The following XRCC3 variants were observed in gnomAD, a reference collection of about 807,000 sequenced individuals.
The protein encoded by XRCC3 is X-ray repair cross complementing 3.
A neutral mutation model predicts 29.2 loss-of-function variants in XRCC3; 34 were observed. That is an observed-to-expected ratio of 1.16 (90% CI 0.88 to 1.55). XRCC3 has a LOEUF of 1.55. Ranked by LOEUF, XRCC3 falls within the 40% of genes most tolerant of loss-of-function variation. The pLI is 0.00. For synonymous variants in XRCC3, 223 were observed against 211.3 expected (o/e 1.06, Z -0.48); for missense variants, 463 against 467.6 (o/e 0.99, Z 0.09).
intron 7 of XRCC3, among the ~76,000 whole-genome samples, chr14:103,700,984 G>A (rs1044351236): frequency 3.9e-5 from 6 of 152,312 alleles, no homozygotes; most frequent in Admixed American, 1.3e-4. Context: ...GGCTTCCCCC[G>A]TGCCAGACGC....
chr14:103,710,742 C>CAAAA, intron 4 of XRCC3: 2 of 309,792 alleles, frequency 6.5e-6, no homozygotes, highest in Non-Finnish European at 1.2e-5. Context: ...ACCCCGTCTC[C>CAAAA]AAAAAAAAAA....
intron 5 of XRCC3, chr14:103,707,595 T>G (rs2083479680): frequency 8.2e-6 from 3 of 366,868 alleles, no homozygotes; most frequent in Non-Finnish European, 1.6e-5. Flanking sequence ...GCTGAACAGT[T>G]CTCAAGCGGC....
chr14:103,707,020 T>G lies in XRCC3; in HGVS notation c.389A>C (p.His130Pro). 1 of 1,561,316 alleles carries G rather than the reference T, an allele frequency of 6.4e-7. No individual in the cohort carries two copies. The highest frequency in any genetic ancestry group is 8.6e-7 in the Non-Finnish European group (1 of 1,157,624). ...CCACTCACCAGCCTCCAGGCCTCCG[T>G]GCTGCCGCGGGAACTGCACAGCCAG... ...LCLAVQFPRQ[H>P]GGLEAGAVYI... The change falls in exon 6 of 10, where the codon CAC becomes CCC. Residue 130 changes from histidine (H) to proline (P), a missense_variant. Physicochemically the swap from His to Pro is moderately conservative, Grantham distance 77. Coordinates refer to ENST00000555055, the MANE Select transcript of XRCC3 (RefSeq NM_005432.4).
At chr14:103,700,683 G>GA in intron 7 of XRCC3, 2 of 1,607,332 alleles carry the variant, frequency 1.2e-6, no homozygotes, top group Non-Finnish European at 1.7e-6. Context: ...TCTTTTTGTG[G>GA]AAAACGACAG....
At chr14:103,710,944 A>C (rs2083606045) in intron 4 of XRCC3, 89 bp downstream of exon 4, 5 of 1,353,348 alleles carry the variant, frequency 3.7e-6, no homozygotes, top group Non-Finnish European at 5.3e-6. Context: ...AAAGGAAGGA[A>C]GGCTTAGCCA....
intron 2 of XRCC3, 128 bp from the exon 3 acceptor site, chr14:103,711,695 C>T (rs754229397): frequency 2.4e-5 from 11 of 456,128 alleles, no homozygotes; most frequent in Non-Finnish European, 4.0e-5. Context: ...GTGGACCCCA[C>T]CCAGCCTCTC....
intron 1 of XRCC3, chr14:103,714,139 C>T (rs1184285758): frequency 2.6e-5 from 4 of 152,476 alleles, no homozygotes; most frequent in African/African-American, 9.6e-5. Flanking sequence ...CCATGGAGGC[C>T]CTGCTTCCCT....
intron 5 of XRCC3, chr14:103,707,588 G>C: frequency 2.6e-6 from 1 of 387,676 alleles, no homozygotes; most frequent in Non-Finnish European, 4.9e-6. Flanking sequence ...CTGGGGTGCT[G>C]AACAGTTCTC....
intron 7 of XRCC3, among the ~76,000 whole-genome samples, chr14:103,700,976 C>G (rs947091232): frequency 6.6e-6 from 1 of 152,250 alleles, no homozygotes; most frequent in Non-Finnish European, 1.5e-5. Context: ...ACACCCCTGG[C>G]TTCCCCCGTG....
chr14:103,707,357 G>C, intron 5 of XRCC3, 142 bp from the exon 6 acceptor site: 1 of 1,069,216 alleles, frequency 9.4e-7, no homozygotes. Flanking sequence ...GGTGAGCAAG[G>C]TGCTGAGGGC....
intron 7 of XRCC3, chr14:103,702,218 C>G (rs1006193840): frequency 6.6e-6 from 1 of 152,510 alleles, no homozygotes; most frequent in African/African-American, 2.4e-5. Context: ...TCTGCAAGGC[C>G]CTGCCATAGG....
At chr14:103,699,227 G>C (rs749728676) in intron 8 of XRCC3, 48 bp from the exon 9 acceptor site, 1 of 1,543,622 alleles carries the variant, frequency 6.5e-7, no homozygotes, top group South Asian at 1.2e-5. Context: ...GGGTCTTCTC[G>C]ATGGTTAGGC....
At chr14:103,699,296 A>T in intron 8 of XRCC3, 68 bp downstream of exon 8, 1 of 1,546,056 alleles carries the variant, frequency 6.5e-7, no homozygotes, top group Non-Finnish European at 8.7e-7. Flanking sequence ...CCACCTCCAG[A>T]CCGGCTCTGC....
Position 103,703,784 on chromosome 14 carries a change from T to C in XRCC3, c.407-457A>G, listed in dbSNP as rs1242485294. 5 of 234,780 alleles carry C rather than the reference T, an allele frequency of 2.1e-5. No individual in the cohort carries two copies. The East Asian group carries it at 3.1e-4, about 14-fold the overall frequency. The allele number at this position is 234,780 out of a possible 1,614,324, so 14.5% of individuals were successfully genotyped here. A position where few individuals can be genotyped will look rare whatever the true frequency, so the allele number is the denominator to read the frequency against. The stretch of plus-strand genomic sequence containing the variant: ...CCCACTGAGCAAGCGTTTCCTCTCT[T>C]CAAAGCTCCTGCAATCTGGGCTCCA... On this transcript the variant is annotated intron_variant, in intron 6 of 9. Transcript: ENST00000555055.
At chr14:103,703,087 G>A in intron 7 of XRCC3, 86 bp downstream of exon 7, 1 of 1,530,190 alleles carries the variant, frequency 6.5e-7, no homozygotes, top group Non-Finnish European at 8.8e-7. Flanking sequence ...CCTGCTGTGA[G>A]ACCCCATTGC....
Position 103,707,087 on chromosome 14 carries a change from G to A in XRCC3, c.322C>T (p.Arg108Cys), listed in dbSNP as rs934186909. ...PLDGITELAG[R>C]SSAGKTQLAL... Reference sequence around the variant, plus strand: ...AGCTGGGTCTTCCCTGCCGAGCTGCGTCCGGCCAGCTCAGTGATGCCGTCC... The same window carrying A: ...AGCTGGGTCTTCCCTGCCGAGCTGCATCCGGCCAGCTCAGTGATGCCGTCC... The change falls in exon 6 of 10, where the codon CGC becomes TGC. Residue 108 changes from arginine to cysteine, a missense_variant. Transcript: ENST00000555055. The A allele has an allele frequency of 2.5e-5, 39 of 1,557,012 alleles. No homozygotes were observed. The highest frequency in any genetic ancestry group is 3.1e-5 in the Non-Finnish European group (36 of 1,151,730).
rs767397371 is a variant in XRCC3 at position 103,699,586 on chromosome 14, C to T, written c.562-10G>A. 3.7e-6 allele frequency: 6 copies of T among 1,613,278 alleles called. No individual in the cohort carries two copies. Among genetic ancestry groups the T allele is most frequent in the Non-Finnish European group, 5.1e-6 (6 of 1,179,890 alleles). On this transcript the variant is annotated splice_polypyrimidine_tract_variant and intron_variant, in intron 7 of 9. Transcript: ENST00000555055. ...ACTCCAACAAGGTGTCCTGTGGGGACAGCTGTCATTGTCTATGCTGGTCAG... is the reference window on the plus strand; with the variant it reads ...ACTCCAACAAGGTGTCCTGTGGGGATAGCTGTCATTGTCTATGCTGGTCAG...
rs934896214 is a variant in XRCC3 at position 103,703,267 on chromosome 14, G to A, written c.467C>T (p.Ala156Val). ...GTCAGTGCGCAGCCGCGGCTGCTGG[G>A]CCATGAGCTGCTGCAGGCGCTTGTG... ...FPHKRLQQLM[A>V]QQPRLRTDVP... is the part of the protein sequence containing the mutation. Residue 156 changes from alanine to valine, a missense_variant, in exon 7 of 10, where the codon GCC (alanine) becomes GTC (valine). Transcript: ENST00000555055. The A allele has an allele frequency of 1.9e-6, 3 of 1,559,466 alleles. No homozygotes were observed. Among genetic ancestry groups the A allele is most frequent in the African/African-American group, 1.4e-5 (1 of 73,536 alleles).
intron 6 of XRCC3, 107 bp downstream of exon 6, chr14:103,706,896 A>T: frequency 8.1e-7 from 1 of 1,237,360 alleles, no homozygotes; most frequent in Non-Finnish European, 1.1e-6. Context: ...ACGCAATGGT[A>T]GGAACAGCGC....
Sources: gnomAD v4.1 joint callset for allele counts (sites outside exome capture counted in the v4.1 genomes callset) on GRCh38, gnomAD v4.1.1 for gene constraint, MANE v1.5 for transcripts, NCBI Gene and HGNC (gene_info 2026-07-23, HGNC 2026-07-21) for gene names.